The following VWA3A variants were observed in gnomAD, a reference collection of about 807,000 sequenced individuals.
The protein encoded by VWA3A is von Willebrand factor A domain containing 3A, also known as von Willebrand factor A domain-containing protein 3A.
A neutral mutation model predicts 160.4 loss-of-function variants in VWA3A; 134 were observed. The ratio of observed to expected loss-of-function variants is 0.84; its 90% CI spans 0.73 to 0.96. VWA3A has a LOEUF of 0.96. Ranked by LOEUF, VWA3A falls within the 40% of genes least tolerant of loss-of-function variation. The probability of loss-of-function intolerance (pLI) is 0.00; values close to 1 mark genes in which losing one functional copy is unlikely to be tolerated. For synonymous variants in VWA3A, 476 were observed against 543.4 expected, an observed-to-expected ratio of 0.88 and a Z score of 1.72; for missense variants, 1,310 against 1,447.9, an observed-to-expected ratio of 0.90 and a Z score of 1.55.
chr16:22,115,380 G>A lies in VWA3A; in HGVS notation c.723G>A (p.Leu241=). The A allele has an allele frequency of 6.2e-7, 1 of 1,601,026 alleles. No individual in the cohort carries two copies. The highest frequency in any genetic ancestry group is 8.5e-7 in the Non-Finnish European group (1 of 1,173,582). The part of the protein sequence containing the change: ...LQELKLWVKT[L]QPDGGSNLLQ... ...AACTTAAGCTCTGGGTAAAGACGCTGCAGCCTGATGGAGGCAGCAACCTGC... is the reference window on the plus strand; with the variant it reads ...AACTTAAGCTCTGGGTAAAGACGCTACAGCCTGATGGAGGCAGCAACCTGC... Residue 241 remains leucine (L), a synonymous_variant, in exon 9 of 34, where the codon CTG becomes CTA. Coordinates refer to ENST00000389398, the MANE Select transcript of VWA3A (RefSeq NM_173615.5).
At chr16:22,133,581 C>T (rs907609916) in intron 20 of VWA3A, among the ~76,000 whole-genome samples, 5 of 141,944 alleles carry the variant, frequency 3.5e-5, no homozygotes, top group African/African-American at 8.1e-5. Context: ...ACCCAGGAAG[C>T]GGAGGTTGCA....
At chr16:22,114,800 ATTT>A (rs35095196) in intron 8 of VWA3A, among the ~76,000 whole-genome samples, 3 of 133,256 alleles carry the variant, frequency 2.3e-5, no homozygotes, top group Non-Finnish European at 3.2e-5. Context: ...CTATCTCTCT[ATTT>A]TTTTTTTTTT....
intron 22 of VWA3A, among the ~76,000 whole-genome samples, chr16:22,139,736 A>G (rs1014225928): frequency 1.3e-5 from 2 of 152,120 alleles, no homozygotes; most frequent in Non-Finnish European, 2.9e-5. Flanking sequence ...GAGGTGCCTG[A>G]TAAGGCACAG....
chr16:22,151,904 G>C (rs1349504331), intron 30 of VWA3A, among the ~76,000 whole-genome samples: 1 of 152,104 alleles, frequency 6.6e-6, no homozygotes, highest in African/African-American at 2.4e-5. Context: ...CTGGATAAAT[G>C]TCCCATAAAT....
intron 24 of VWA3A, 135 bp from the exon 25 acceptor site, chr16:22,142,533 T>G (rs2046170025): frequency 1.5e-6 from 1 of 650,320 alleles, no homozygotes; most frequent in Non-Finnish European, 2.8e-6. Flanking sequence ...ATTGATCTAT[T>G]CATGAGGGAT....
At position 22,138,391 on chromosome 16, in the gene VWA3A, A is replaced by G; in HGVS notation, c.2171A>G (p.His724Arg). 4 of 1,606,466 alleles carry G rather than the reference A, an allele frequency of 2.5e-6. No individual in the cohort carries two copies. The highest frequency in any genetic ancestry group is 1.1e-5 in the South Asian group (1 of 89,522). ...TTCCTCATGGCCTCCCTGAAGAACC[A>G]TTCAGGAAAAGTACTGGGAAGTTCA... The part of the protein sequence containing the change: ...CAFLMASLKN[H>R]SGKVLGSSAL... Residue 724 changes from histidine (H) to arginine (R), a missense_variant, in exon 22 of 34, where the codon CAT (histidine) becomes CGT (arginine). Coordinates refer to ENST00000389398, the MANE Select transcript of VWA3A (RefSeq NM_173615.5).
intron 32 of VWA3A, 40 bp downstream of exon 32, chr16:22,155,704 T>C (rs761196179): frequency 6.2e-7 from 1 of 1,607,428 alleles, no homozygotes. Context: ...GCCATGTGGC[T>C]ACAGCCCATG....
intron 31 of VWA3A, among the ~76,000 whole-genome samples, chr16:22,153,111 C>G (rs904358165): frequency 6.6e-6 from 1 of 152,082 alleles, no homozygotes; most frequent in South Asian, 2.1e-4. Flanking sequence ...TTTGGGAGGC[C>G]GAGGTGGGTG....
intron 23 of VWA3A, 59 bp downstream of exon 23, chr16:22,140,303 G>A (rs377609708): frequency 1.3e-6 from 2 of 1,529,830 alleles, no homozygotes; most frequent in Non-Finnish European, 9.0e-7. Flanking sequence ...GCTGAGGCAT[G>A]GGTTAATAAT....
At chr16:22,106,106 CG>C (rs1567529392) in intron 6 of VWA3A, among the ~76,000 whole-genome samples, 1 of 152,022 alleles carries the variant, frequency 6.6e-6, no homozygotes, top group African/African-American at 2.4e-5. Context: ...TGGTTGAGGC[CG>C]GGCGTGGTGG....
rs766376747 is a variant in VWA3A, at chr16:22,144,348, C to T, written c.2694C>T (p.Ala898=). The T allele has an allele frequency of 1.1e-5, 17 of 1,613,892 alleles. No individual in the cohort carries two copies. The highest frequency in any genetic ancestry group is 1.6e-4 in the Middle Eastern group (1 of 6,062). The part of the protein sequence containing the change: ...HQKSGQRSAS[A]KHCSIFPSVE... Reference sequence around the variant, plus strand: ...AGTCAGGACAGAGGTCAGCATCCGCCAAACACTGCAGCATCTTCCCCAGCG... The same window carrying T: ...AGTCAGGACAGAGGTCAGCATCCGCTAAACACTGCAGCATCTTCCCCAGCG... Residue 898 remains alanine (A), a synonymous_variant, in exon 26 of 34, where the codon GCC becomes GCT. Transcript: ENST00000389398.
rs1249436923 is a variant in VWA3A, at chr16:22,117,183, C to A, written c.990+7C>A. ...CTACAGCCCAAAGATGGAGGTAAGC[C>A]CTTCTGTCAACACATGGCCCCTCTT... On this transcript the variant is annotated splice_region_variant and intron_variant, in intron 11 of 33. Transcript: ENST00000389398. 7 of 1,573,974 alleles carry A rather than the reference C, an allele frequency of 4.4e-6. 1 individual carries two copies. The Admixed American group carries it at 1.3e-4, about 29-fold the overall frequency.
At chr16:22,093,253 G>A (rs1353595588) in intron 1 of VWA3A, among the ~76,000 whole-genome samples, 1 of 151,832 alleles carries the variant, frequency 6.6e-6, no homozygotes, top group Non-Finnish European at 1.5e-5. Flanking sequence ...GGTGCGCGGG[G>A]GTTCAGACAG....
intron 22 of VWA3A, among the ~76,000 whole-genome samples, chr16:22,139,562 C>T (rs770185107): frequency 5.3e-5 from 8 of 151,958 alleles, no homozygotes; most frequent in East Asian, 1.9e-4. Context: ...GGTGTGGTGG[C>T]GGGTGCCTGT....
chr16:22,131,354 C>G, intron 18 of VWA3A, 75 bp downstream of exon 18: 1 of 1,544,160 alleles, frequency 6.5e-7, no homozygotes, highest in Non-Finnish European at 8.9e-7. Flanking sequence ...CTGTCCCCCT[C>G]TCCACCAAGA....
chr16:22,126,948 AAG>A (rs1567210767), intron 17 of VWA3A, among the ~76,000 whole-genome samples: 9 of 149,494 alleles, frequency 6.0e-5, no homozygotes, highest in Admixed American at 6.0e-4. Flanking sequence ...AAATACAACA[AAG>A]ATCAGAGAGG....
chr16:22,112,536 C>T (rs959869155), intron 8 of VWA3A, among the ~76,000 whole-genome samples: 1 of 151,958 alleles, frequency 6.6e-6, no homozygotes, highest in Non-Finnish European at 1.5e-5. Context: ...CTGGGCAACC[C>T]AGTGAGACCC....
chr16:22,097,483 T>C (rs942220495), intron 2 of VWA3A, 89 bp from the exon 3 acceptor site: 2 of 1,487,800 alleles, frequency 1.3e-6, no homozygotes, highest in South Asian at 2.6e-5. Flanking sequence ...AGAATCCTTG[T>C]AGGGACTAGG....
chr16:22,113,714 T>C lies in VWA3A; in HGVS notation c.690-1633T>C, dbSNP rs1394192840. On this transcript the variant is annotated intron_variant, in intron 8 of 33. Coordinates refer to ENST00000389398, the MANE Select transcript of VWA3A (RefSeq NM_173615.5). Reference sequence around the variant, plus strand: ...CCTGAGCTCAAATGATCCTCCAGCCTCAGCCTCCCCAGTAGCAGGGACTAC... The same window carrying C: ...CCTGAGCTCAAATGATCCTCCAGCCCCAGCCTCCCCAGTAGCAGGGACTAC... Among the ~76,000 whole-genome samples the C allele has an allele frequency of 2.6e-5, 4 of 152,270 alleles. No homozygotes were observed. In the East Asian group the frequency reaches 7.7e-4, roughly 29 times the overall value.
Sources: allele counts gnomAD v4.1 joint callset (sites outside exome capture counted in the v4.1 genomes callset), GRCh38; gene constraint gnomAD v4.1.1; transcripts MANE v1.5; gene names NCBI Gene and HGNC (gene_info 2026-07-23, HGNC 2026-07-21).